The following KIR2DL4 variants were observed in gnomAD, a reference collection of about 807,000 sequenced individuals.
KIR2DL4 encodes the protein killer cell immunoglobulin like receptor, two Ig domains and long cytoplasmic tail 4, also known as killer cell immunoglobulin-like receptor 2DL4.
Under a neutral mutation model 31.0 loss-of-function variants are expected in KIR2DL4, and 41 were observed. The ratio of observed to expected loss-of-function variants is 1.32; its 90% confidence interval spans 1.03 to 1.72. The LOEUF (loss-of-function observed/expected upper bound fraction) is 1.72. Ranked by LOEUF, KIR2DL4 falls within the 40% of genes most tolerant of loss-of-function variation. The probability of loss-of-function intolerance (pLI) is 0.00; values close to 1 mark genes in which losing one functional copy is unlikely to be tolerated. For synonymous variants in KIR2DL4, 164 were observed against 133.6 expected, an observed-to-expected ratio of 1.23 and a Z score of -1.57; for missense variants, 438 against 353.7, an observed-to-expected ratio of 1.24 and a Z score of -1.91.
At chr19:54,813,464 A>G (rs1327839248) in intron 6 of KIR2DL4, among the ~76,000 whole-genome samples, 2 of 150,060 alleles carry the variant, frequency 1.3e-5, no homozygotes, top group African/African-American at 5.0e-5. Context: ...CCAGGAGAAG[A>G]TTCCATGACA....
At position 54,804,792 on chromosome 19, in the gene KIR2DL4, G is replaced by C; in HGVS notation, c.77-1G>C. ...TGAGGCGGCATCTCCTTCTCCCCAA[G>C]GTGGTCAGGACAAGCCCTTCTGCTC... On this transcript the variant is annotated splice_acceptor_variant, in intron 2 of 7. Coordinates refer to ENST00000359085, the Ensembl canonical transcript of KIR2DL4. LOFTEE classifies it high-confidence loss of function. 1 of 1,611,304 alleles carries C rather than the reference G, an allele frequency of 6.2e-7. No homozygotes were observed. The highest frequency in any genetic ancestry group is 8.5e-7 in the Non-Finnish European group (1 of 1,179,288).
chr19:54,805,037 G>A, exon 3 of KIR2DL4: 1 of 1,610,456 alleles, frequency 6.2e-7, no homozygotes, highest in Non-Finnish European at 8.5e-7. Flanking sequence ...CCCCCACTGA[G>A]TGGTCGGCAC....
chr19:54,805,981 G>A lies in KIR2DL4; in HGVS notation c.392G>A (p.Arg131Gln), dbSNP rs202246882. Residue 131 changes from arginine (R) to glutamine (Q), a missense_variant, in exon 4 of 8, where the codon CGG becomes CAG. Coordinates refer to ENST00000359085, the Ensembl canonical transcript of KIR2DL4. ...TATGAGAAACCTTCGCTTACAGCCCGGCCGGGCCCCACGGTTCGCGCAGGA... is the reference window on the plus strand; with the variant it reads ...TATGAGAAACCTTCGCTTACAGCCCAGCCGGGCCCCACGGTTCGCGCAGGA... The A allele has an allele frequency of 6.0e-5, 96 of 1,608,712 alleles. 3 individuals carry two copies. The highest frequency in any genetic ancestry group is 3.0e-4 in the South Asian group (27 of 90,132).
At chr19:54,814,219 C>T (rs1472472008) in exon 8 of KIR2DL4, 28 of 1,269,954 alleles carry the variant, frequency 2.2e-5, no homozygotes, top group Non-Finnish European at 3.0e-5. Flanking sequence ...GCAGAGAAAA[C>T]ACACTCCTTT....
At chr19:54,806,396 G>T in intron 4 of KIR2DL4, 152 bp downstream of exon 4, 1 of 911,794 alleles carries the variant, frequency 1.1e-6, no homozygotes, top group South Asian at 1.6e-5. Context: ...GGCAGACAGG[G>T]CACCTCCAAA....
Position 54,810,379 on chromosome 19 carries a change from A to G in KIR2DL4, c.706+1496A>G, listed in dbSNP as rs1460097964. Reference sequence around the variant, plus strand: ...CAACCTTAAGGGATCCGCCCGTCTCAGCCTCCCAAAGTGCTGAGATTAGAG... The same window carrying G: ...CAACCTTAAGGGATCCGCCCGTCTCGGCCTCCCAAAGTGCTGAGATTAGAG... On this transcript the variant is annotated intron_variant, in intron 5 of 7. Transcript: ENST00000359085. Among the ~76,000 whole-genome samples, 99 of 151,346 alleles carry G rather than the reference A, an allele frequency of 6.5e-4. 1 individual carries two copies. Among genetic ancestry groups the G allele is most frequent in the Admixed American group, 1.2e-3 (18 of 15,210 alleles).
intron 6 of KIR2DL4, chr19:54,813,286 G>T: frequency 6.3e-7 from 1 of 1,597,150 alleles, no homozygotes; most frequent in African/African-American, 1.4e-5. Flanking sequence ...AGCAGGATGG[G>T]AGCACGCAGG....
At chr19:54,803,905 C>A (rs1459607399) in exon 2 of KIR2DL4, 4 of 1,610,022 alleles carry the variant, frequency 2.5e-6, no homozygotes, top group African/African-American at 2.7e-5. Context: ...CTTCTTGGAC[C>A]AGAGTGTGTG....
chr19:54,814,247 C>G lies in KIR2DL4; in HGVS notation c.*447C>G, dbSNP rs1250759613. On this transcript the variant is annotated 3_prime_UTR_variant, in exon 8 of 8. Transcript: ENST00000359085. ...ACTCCTTTGCTTAGCCCACAATTCT[C>G]TATTTCACTTGACCCCTGCCCACCT... 2.9e-6 allele frequency: 3 copies of G among 1,038,470 alleles called. No homozygotes were observed. In the African/African-American group the frequency reaches 4.9e-5, roughly 17 times the overall value. The allele number at this position is 1,038,470 out of a possible 1,614,324, so 64.3% of individuals were successfully genotyped here.
chr19:54,805,187 G>GCC, intron 3 of KIR2DL4, 110 bp downstream of exon 3: 1 of 1,125,412 alleles, frequency 8.9e-7, no homozygotes. Context: ...TATATTTGGG[G>GCC]TAAAGGGGGA....
rs1422805462 is a variant in KIR2DL4 at position 54,803,919 on chromosome 19, A to T, written c.69A>T (p.Ala23=). Residue 23 remains alanine, a synonymous_variant, in exon 2 of 8, where the codon GCA becomes GCT. Coordinates refer to ENST00000359085, the Ensembl canonical transcript of KIR2DL4. ...TCTTCTTGGACCAGAGTGTGTGGGC[A>T]CACGTGGGTGAGTCCTTCCCCAAAT... is the stretch of plus-strand genomic sequence containing the variant. 199 of 1,609,758 alleles carry T rather than the reference A, an allele frequency of 1.2e-4. 2 individuals are homozygous for T. Among genetic ancestry groups the T allele is most frequent in the Non-Finnish European group, 1.6e-4 (190 of 1,178,764 alleles).
At chr19:54,812,117 T>G (rs2060898933) in intron 5 of KIR2DL4, among the ~76,000 whole-genome samples, 1 of 151,232 alleles carries the variant, frequency 6.6e-6, no homozygotes, top group African/African-American at 2.4e-5. Context: ...CAGAGAAGAC[T>G]CTAAACACCT....
rs200678651 is a variant in KIR2DL4 at position 54,814,076 on chromosome 19, C to T, written c.*276C>T. On this transcript the variant is annotated 3_prime_UTR_variant, in exon 8 of 8. Transcript: ENST00000359085. Reference sequence around the variant, plus strand: ...GACAACAGCCCTGTCTCAAACCCAGCTTGCCAGCTCTAATGTACCAGCAGC... The same window carrying T: ...GACAACAGCCCTGTCTCAAACCCAGTTTGCCAGCTCTAATGTACCAGCAGC... 6,651 of 1,611,022 alleles carry T rather than the reference C, an allele frequency of 4.1e-3. 151 individuals are homozygous for T. The highest frequency in any genetic ancestry group is 0.01 in the South Asian group (943 of 90,632).
chr19:54,808,749 G>C (rs1569376309), intron 4 of KIR2DL4, 84 bp from the exon 5 acceptor site: 3 of 1,006,170 alleles, frequency 3.0e-6, no homozygotes, highest in Non-Finnish European at 4.7e-6. Flanking sequence ...ATAGAATGTT[G>C]GCCATGAACC....
chr19:54,813,186 C>A, exon 6 of KIR2DL4: 1 of 1,538,262 alleles, frequency 6.5e-7, no homozygotes, highest in Non-Finnish European at 8.8e-7. Flanking sequence ...TCTTTACCAT[C>A]CTTCCCTTCT....
At chr19:54,805,048 C>A (rs982171374) in exon 3 of KIR2DL4, 5 of 1,608,792 alleles carry the variant, frequency 3.1e-6, no homozygotes, top group Non-Finnish European at 3.4e-6. Flanking sequence ...TGGTCGGCAC[C>A]CAGCAACCCC....
Position 54,803,691 on chromosome 19 carries a change from G to T in KIR2DL4, c.40G>T (p.Gly14Trp). 4 of 1,611,932 alleles carry T rather than the reference G, an allele frequency of 2.5e-6. No homozygotes were observed. The South Asian group carries it at 3.3e-5, about 13-fold the overall frequency. The change falls in exon 1 of 8, where the codon GGG (glycine) becomes TGG (tryptophan). Residue 14 changes from glycine (G) to tryptophan (W), a missense_variant and splice_region_variant. Physicochemically the swap from Gly to Trp is radical, Grantham distance 184. Transcript: ENST00000359085. The stretch of plus-strand genomic sequence containing the variant: ...CACGGTCATCATCCTGGCATGTCTT[G>T]GTGAGTCCTGGAAGGGAAGGAGCAC...
chr19:54,813,988 G>T, exon 8 of KIR2DL4: 1 of 1,612,408 alleles, frequency 6.2e-7, no homozygotes, highest in African/African-American at 1.3e-5. Flanking sequence ...CAAATGCTGA[G>T]CCCAGAGCGT....
chr19:54,810,660 C>T (rs2060810439), intron 5 of KIR2DL4, among the ~76,000 whole-genome samples: 1 of 151,284 alleles, frequency 6.6e-6, no homozygotes. Context: ...GGGAGAATGA[C>T]AAGACGACTG....
Sources: gnomAD v4.1 joint callset for allele counts (sites outside exome capture counted in the v4.1 genomes callset) on GRCh38, gnomAD v4.1.1 for gene constraint, MANE v1.5 for transcripts, NCBI Gene and HGNC (gene_info 2026-07-23, HGNC 2026-07-21) for gene names.